Variants in KATNIP observed in about 807,000 individuals in gnomAD.
KATNIP encodes the protein katanin interacting protein, also known as katanin-interacting protein.
In KATNIP, 126 loss-of-function variants were observed where a neutral mutation model predicts 174.0. The ratio of observed to expected loss-of-function variants is 0.72; its 90% CI spans 0.63 to 0.84. The LOEUF (loss-of-function observed/expected upper bound fraction) is 0.84, where lower values mean the gene tolerates loss of function less well. Ranked by LOEUF, KATNIP falls within the 40% of genes least tolerant of loss-of-function variation. KATNIP has a pLI of 0.00. For missense variants in KATNIP, 1,958 were observed against 2,109.7 expected, an observed-to-expected ratio of 0.93 and a Z score of 1.41; for synonymous variants, 810 against 835.7, an observed-to-expected ratio of 0.97 and a Z score of 0.53.
rs1314032598 is a variant in KATNIP at position 27,721,706 on chromosome 16, G to C, written c.1743+11G>C. On this transcript the variant is annotated intron_variant, in intron 14 of 27. Transcript: ENST00000261588. ...TGGACAGCTGATGGCGTAAGTAACA[G>C]GCGCTGGTTCCCCACTGGGCACTGG... is the stretch of plus-strand genomic sequence containing the variant. The C allele has an allele frequency of 1.9e-6, 3 of 1,612,972 alleles. No homozygotes were observed. Among genetic ancestry groups the C allele is most frequent in the Non-Finnish European group, 2.5e-6 (3 of 1,179,606 alleles).
In KATNIP at chr16:27,750,041, C is replaced by T. The variant is rs1296094444; in HGVS notation, c.3081C>T (p.Asp1027=). The T allele has an allele frequency of 1.9e-6, 3 of 1,614,194 alleles. No homozygotes were observed. The South Asian group carries it at 3.3e-5, about 18-fold the overall frequency. ...DINILPAYGK[D]PRVVTNLIDG... The stretch of plus-strand genomic sequence containing the variant: ...ATATTTTACCAGCCTATGGGAAAGA[C>T]CCCCGCGTGGTCACCAACCTCATCG... The change falls in exon 16 of 28, where the codon GAC becomes GAT. Residue 1027 remains aspartate (D), a synonymous_variant. Transcript: ENST00000261588.
chr16:27,555,284 C>T (rs1182158301), intron 1 of KATNIP, among the ~76,000 whole-genome samples: 1 of 152,166 alleles, frequency 6.6e-6, no homozygotes. Context: ...TTAGTTTATT[C>T]GGCATGTCTT....
At chr16:27,681,208 G>T in intron 7 of KATNIP, 191 bp from the exon 8 acceptor site, 2 of 665,854 alleles carry the variant, frequency 3.0e-6, no homozygotes, top group South Asian at 3.3e-5. Flanking sequence ...ATGTGGTGCT[G>T]GGCACACCAT....
intron 2 of KATNIP, among the ~76,000 whole-genome samples, chr16:27,614,533 T>G (rs1421416463): frequency 6.6e-6 from 1 of 152,174 alleles, no homozygotes; most frequent in Admixed American, 6.5e-5. Flanking sequence ...GGTCTCAAAC[T>G]CCTGGCCTGA....
intron 1 of KATNIP, among the ~76,000 whole-genome samples, chr16:27,563,070 G>C (rs2089952404): frequency 1.3e-5 from 2 of 152,178 alleles, no homozygotes; most frequent in African/African-American, 4.8e-5. Flanking sequence ...ACTATTCCAG[G>C]TGTGGAGAAT....
intron 14 of KATNIP, among the ~76,000 whole-genome samples, chr16:27,735,670 C>T (rs909513517): frequency 6.6e-6 from 1 of 152,174 alleles, no homozygotes; most frequent in African/African-American, 2.4e-5. Context: ...GGATTGAAGC[C>T]GAGTTCCTGT....
At chr16:27,593,600 T>G (rs1360878937) in intron 2 of KATNIP, among the ~76,000 whole-genome samples, 1 of 151,908 alleles carries the variant, frequency 6.6e-6, no homozygotes, top group African/African-American at 2.4e-5. Context: ...GGCATGATCA[T>G]AACTCACTGC....
chr16:27,735,818 C>T (rs2080876781), intron 14 of KATNIP, among the ~76,000 whole-genome samples: 1 of 152,068 alleles, frequency 6.6e-6, no homozygotes, highest in Non-Finnish European at 1.5e-5. Context: ...TGAACATCTC[C>T]AGGGTCTCAG....
At position 27,779,052 on chromosome 16, in the gene KATNIP, C is replaced by G. The variant is rs538750280; in HGVS notation, c.*423C>G. ...GAGACCAGACCCTACCCCGCAACTC[C>G]AGTAAGCAGGGCACTGCCCAGGGAG... On this transcript the variant is annotated 3_prime_UTR_variant, in exon 28 of 28. Coordinates refer to ENST00000261588, the MANE Select transcript of KATNIP (RefSeq NM_015202.5). 1 of 167,292 alleles carries G rather than the reference C, an allele frequency of 6.0e-6. No individual in the cohort carries two copies. The highest frequency in any genetic ancestry group is 2.0e-4 in the South Asian group (1 of 4,994). The allele number at this position is 167,292 out of a possible 1,614,324, so 10.4% of individuals were successfully genotyped here.
intron 2 of KATNIP, among the ~76,000 whole-genome samples, chr16:27,588,341 T>G (rs919616445): frequency 3.9e-5 from 6 of 152,286 alleles, no homozygotes; most frequent in Non-Finnish European, 7.4e-5. Context: ...TATAGTTTTA[T>G]GAATTTTTAT....
chr16:27,622,289 T>C (rs1346673590), intron 3 of KATNIP, among the ~76,000 whole-genome samples: 1 of 151,948 alleles, frequency 6.6e-6, no homozygotes. Context: ...AGAAAGTGAT[T>C]GTGTGCTCCA....
intron 7 of KATNIP, chr16:27,681,167 A>G (rs2078323448): frequency 2.0e-6 from 1 of 494,266 alleles, no homozygotes; most frequent in African/African-American, 1.9e-5. Context: ...AAACCTGTGC[A>G]TGTCCTAGAA....
intron 14 of KATNIP, among the ~76,000 whole-genome samples, chr16:27,735,805 A>G (rs1272952717): frequency 6.6e-6 from 1 of 152,188 alleles, no homozygotes; most frequent in African/African-American, 2.4e-5. Flanking sequence ...GGGTTAGTAT[A>G]GGTGAACATC....
chr16:27,575,879 G>A (rs1312978762), intron 2 of KATNIP, among the ~76,000 whole-genome samples: 2 of 152,214 alleles, frequency 1.3e-5, no homozygotes, highest in Non-Finnish European at 2.9e-5. Context: ...CAAAGCCAGG[G>A]TGGATTTTCC....
chr16:27,726,463 T>A (rs927504385), intron 14 of KATNIP, among the ~76,000 whole-genome samples: 1 of 152,194 alleles, frequency 6.6e-6, no homozygotes, highest in African/African-American at 2.4e-5. Flanking sequence ...GACTGCACTT[T>A]ACATTGTAAT....
chr16:27,728,273 C>T (rs1450568532), intron 14 of KATNIP, among the ~76,000 whole-genome samples: 1 of 152,220 alleles, frequency 6.6e-6, no homozygotes, highest in Non-Finnish European at 1.5e-5. Context: ...CCAGAGGGCA[C>T]TTTCCGTTGG....
At chr16:27,597,088 G>A (rs2060576397) in intron 2 of KATNIP, among the ~76,000 whole-genome samples, 1 of 152,162 alleles carries the variant, frequency 6.6e-6, no homozygotes, top group African/African-American at 2.4e-5. Flanking sequence ...AGCTACTCAG[G>A]AGGCTGAGGC....
intron 1 of KATNIP, among the ~76,000 whole-genome samples, chr16:27,564,849 C>T (rs1206541347): frequency 6.6e-6 from 1 of 151,886 alleles, no homozygotes; most frequent in East Asian, 2.0e-4. Context: ...CTGCAACCTC[C>T]GTCTACTGGG....
At chr16:27,687,673 G>A (rs1332136959) in intron 8 of KATNIP, among the ~76,000 whole-genome samples, 2 of 152,184 alleles carry the variant, frequency 1.3e-5, no homozygotes, top group African/African-American at 4.8e-5. Flanking sequence ...GAGGGTGAAA[G>A]AACATTAGTC....
Sources: gnomAD v4.1 joint callset for allele counts (sites outside exome capture counted in the v4.1 genomes callset) on GRCh38, gnomAD v4.1.1 for gene constraint, MANE v1.5 for transcripts, NCBI Gene and HGNC (gene_info 2026-07-23, HGNC 2026-07-21) for gene names.